The following HCN1 variants were observed in gnomAD, a reference collection of about 807,000 sequenced individuals.
The protein encoded by HCN1 is potassium/sodium hyperpolarization-activated cyclic nucleotide-gated channel 1.
In HCN1, 13 loss-of-function variants were observed where a neutral mutation model predicts 78.9. That is an observed-to-expected ratio of 0.16 (90% CI 0.11 to 0.26). The LOEUF (loss-of-function observed/expected upper bound fraction) is 0.26. HCN1 is among the 10% of genes least tolerant of loss of function. The probability of loss-of-function intolerance (pLI) is 1.00; values close to 1 mark genes in which losing one functional copy is unlikely to be tolerated. For missense variants in HCN1, 810 were observed against 1,154.3 expected (o/e 0.70, Z 4.32); for synonymous variants, 552 against 455.5 (o/e 1.21, Z -2.70).
chr5:45,362,809 G>A (rs921870647), intron 4 of HCN1, among the ~76,000 whole-genome samples: 3 of 151,890 alleles, frequency 2.0e-5, no homozygotes, highest in Admixed American at 6.6e-5. Flanking sequence ...CTTATTTGCT[G>A]CATGACATTC....
At chr5:45,549,054 G>T (rs62369105) in intron 2 of HCN1, among the ~76,000 whole-genome samples, 1 of 151,574 alleles carries the variant, frequency 6.6e-6, no homozygotes, top group African/African-American at 2.4e-5. Flanking sequence ...TCAATATCAT[G>T]AAAATGGCCA....
intron 5 of HCN1, among the ~76,000 whole-genome samples, chr5:45,343,272 T>C (rs1746622133): frequency 6.6e-6 from 1 of 152,194 alleles, no homozygotes; most frequent in Admixed American, 6.5e-5. Flanking sequence ...ATTCAATTTA[T>C]AATGCAAAGA....
chr5:45,377,197 A>C (rs1747699740), intron 4 of HCN1, among the ~76,000 whole-genome samples: 1 of 151,958 alleles, frequency 6.6e-6, no homozygotes, highest in African/African-American at 2.4e-5. Flanking sequence ...CCTTCAGAAA[A>C]CTGCTCAAAC....
At chr5:45,502,498 T>C (rs1742211003) in intron 2 of HCN1, among the ~76,000 whole-genome samples, 1 of 152,144 alleles carries the variant, frequency 6.6e-6, no homozygotes. Flanking sequence ...CTATCTTGGC[T>C]AAAATATTGA....
intron 5 of HCN1, among the ~76,000 whole-genome samples, chr5:45,304,470 G>C (rs1300886831): frequency 4.6e-5 from 7 of 152,030 alleles, no homozygotes; most frequent in Admixed American, 4.6e-4. Flanking sequence ...GAGGTCAGGA[G>C]TTCAAGACCA....
intron 2 of HCN1, among the ~76,000 whole-genome samples, chr5:45,605,585 A>T (rs902197038): frequency 2.0e-5 from 3 of 150,756 alleles, no homozygotes; most frequent in African/African-American, 7.4e-5. Flanking sequence ...ATCAAAATTA[A>T]AAAAAAATTG....
chr5:45,418,758 G>A (rs1354661370), intron 3 of HCN1, among the ~76,000 whole-genome samples: 1 of 151,904 alleles, frequency 6.6e-6, no homozygotes, highest in Non-Finnish European at 1.5e-5. Flanking sequence ...CAGATATCTG[G>A]GAATTCCTTT....
chr5:45,403,625 G>T (rs910083315), intron 3 of HCN1, among the ~76,000 whole-genome samples: 1 of 151,996 alleles, frequency 6.6e-6, no homozygotes. Flanking sequence ...CCTCCCACCG[G>T]GTTCCTCTCA....
At chr5:45,557,696 C>T (rs374586818) in intron 2 of HCN1, among the ~76,000 whole-genome samples, 6 of 151,992 alleles carry the variant, frequency 3.9e-5, no homozygotes, top group African/African-American at 1.4e-4. Flanking sequence ...GTTACTATAT[C>T]TGTTATAGTG....
chr5:45,508,100 A>G (rs371377783), intron 2 of HCN1, among the ~76,000 whole-genome samples: 1 of 152,140 alleles, frequency 6.6e-6, no homozygotes, highest in African/African-American at 2.4e-5. Flanking sequence ...AAAATCAATG[A>G]ATTCTAATCT....
At chr5:45,415,234 C>T (rs1393213390) in intron 3 of HCN1, among the ~76,000 whole-genome samples, 1 of 151,888 alleles carries the variant, frequency 6.6e-6, no homozygotes, top group African/African-American at 2.4e-5. Context: ...TTTTCTAGAT[C>T]AATACAAATT....
chr5:45,431,947 A>G (rs1290402794), intron 3 of HCN1, among the ~76,000 whole-genome samples: 1 of 152,176 alleles, frequency 6.6e-6, no homozygotes, highest in East Asian at 1.9e-4. Flanking sequence ...GAATTTTAAA[A>G]TAGCTTTTTT....
chr5:45,578,059 A>C (rs554453726), intron 2 of HCN1, among the ~76,000 whole-genome samples: 1 of 152,200 alleles, frequency 6.6e-6, no homozygotes, highest in East Asian at 1.9e-4. Context: ...GAGTTAAGCA[A>C]AATTAAACAA....
intron 2 of HCN1, among the ~76,000 whole-genome samples, chr5:45,606,835 C>A (rs75401966): frequency 0.038 from 5,813 of 151,852 alleles, 409 homozygotes; most frequent in African/African-American, 0.13. Flanking sequence ...ACTAAATATT[C>A]AGATAATAGA....
chr5:45,343,873 T>C (rs1007952050), intron 5 of HCN1, among the ~76,000 whole-genome samples: 1 of 151,686 alleles, frequency 6.6e-6, no homozygotes, highest in Non-Finnish European at 1.5e-5. Context: ...AAAAAAAATA[T>C]ATATATTGGG....
intron 3 of HCN1, among the ~76,000 whole-genome samples, chr5:45,426,996 T>C (rs916132991): frequency 2.6e-5 from 4 of 151,912 alleles, no homozygotes; most frequent in Admixed American, 2.6e-4. Flanking sequence ...AATATACATA[T>C]TCATTATATT....
intron 4 of HCN1, among the ~76,000 whole-genome samples, chr5:45,358,104 C>G (rs1747038449): frequency 6.6e-6 from 1 of 152,146 alleles, no homozygotes; most frequent in South Asian, 2.1e-4. Context: ...AGCCAAATAA[C>G]CTTTCTTCTT....
At position 45,517,512 on chromosome 5, in the gene HCN1, T is replaced by C. The variant is rs1003693720; in HGVS notation, c.850-55505A>G. ...TCTGTGGCAGAGATTGTATTCCCAA[T>C]TTCCCCTTAAAAAAAAAAAAAAAAA... On this transcript the variant is annotated intron_variant, in intron 2 of 7. Coordinates refer to ENST00000303230, the MANE Select transcript of HCN1 (RefSeq NM_021072.4). Among the ~76,000 whole-genome samples, 8 of 124,158 alleles carry C rather than the reference T, an allele frequency of 6.4e-5. No individual in the cohort carries two copies. In the East Asian group the frequency reaches 7.2e-4, roughly 11 times the overall value. 81.5% of individuals were successfully genotyped at this position (124,158 alleles called of 152,430 possible).
At chr5:45,670,461 C>T (rs1021833370) in intron 1 of HCN1, among the ~76,000 whole-genome samples, 7 of 151,614 alleles carry the variant, frequency 4.6e-5, no homozygotes, top group Admixed American at 1.3e-4. Context: ...AGTGCATTTT[C>T]CTTAAGGGAT....
Sources: gnomAD v4.1 joint callset for allele counts (sites outside exome capture counted in the v4.1 genomes callset) on GRCh38, gnomAD v4.1.1 for gene constraint, MANE v1.5 for transcripts, NCBI Gene and HGNC (gene_info 2026-07-23, HGNC 2026-07-21) for gene names.